Variants in HECW2 observed in about 807,000 individuals in gnomAD.
HECW2 encodes HECT, C2 and WW domain containing E3 ubiquitin protein ligase 2.
A neutral mutation model predicts 175.2 loss-of-function variants in HECW2; 61 were observed. That is an observed-to-expected ratio of 0.35 (90% CI 0.28 to 0.43). The LOEUF (loss-of-function observed/expected upper bound fraction) is 0.43, where lower values mean the gene tolerates loss of function less well. Among genes scored for constraint, HECW2 ranks in the 20% least tolerant of loss-of-function variants. HECW2 has a pLI of 1.00. For missense variants in HECW2, 1,524 were observed against 2,000.5 expected (o/e 0.76, Z 4.54); for synonymous variants, 671 against 731.0 (o/e 0.92, Z 1.32).
rs1445209433 is a variant in HECW2, at chr2:196,580,556, AACCAAT to A, written c.-36+12946_-36+12951del. Among the ~76,000 whole-genome samples the A allele has an allele frequency of 2.0e-5, 3 of 152,226 alleles. No individual in the cohort carries two copies. The East Asian group carries it at 5.8e-4, about 29-fold the overall frequency. On this transcript the variant is annotated intron_variant, in intron 1 of 28. Transcript: ENST00000644978. ...AATTCCTCAAAGAAGATAGTTAAAT[AACCAAT>A]AAGCACATGAAAAAATGTTCAACAT...
Position 196,229,279 on chromosome 2 carries a change from ATT to A in HECW2, c.3765-1027_3765-1026del, listed in dbSNP as rs573996893. Among the ~76,000 whole-genome samples, 1,336 of 147,990 alleles carry A rather than the reference ATT, an allele frequency of 9.0e-3. 10 individuals carry two copies. The highest frequency in any genetic ancestry group is 0.025 in the African/African-American group (989 of 40,352). On this transcript the variant is annotated intron_variant, in intron 21 of 28. Coordinates refer to ENST00000644978, the MANE Select transcript of HECW2 (RefSeq NM_001348768.2). ...CTATCTTATTTTTTCTTCTTTTTGAATTTTTTTTTTGTGGGCATCATTGCATT... is the reference window on the plus strand; with the variant it reads ...CTATCTTATTTTTTCTTCTTTTTGAATTTTTTTTGTGGGCATCATTGCATT...
chr2:196,303,127 A>G (rs1691129535), intron 13 of HECW2, among the ~76,000 whole-genome samples: 1 of 152,134 alleles, frequency 6.6e-6, no homozygotes, highest in African/African-American at 2.4e-5. Flanking sequence ...ACATGAAGCG[A>G]TGTTGAATTT....
intron 26 of HECW2, among the ~76,000 whole-genome samples, chr2:196,218,826 C>T (rs1412223363): frequency 6.6e-6 from 1 of 152,078 alleles, no homozygotes; most frequent in Non-Finnish European, 1.5e-5. Context: ...ATTATAATAA[C>T]CAAAGAGATA....
chr2:196,294,132 T>C (rs952780961), intron 13 of HECW2, among the ~76,000 whole-genome samples: 1 of 152,238 alleles, frequency 6.6e-6, no homozygotes, highest in Admixed American at 6.5e-5. Flanking sequence ...GTGATTGTTT[T>C]GTCCAAAACC....
intron 13 of HECW2, among the ~76,000 whole-genome samples, chr2:196,297,111 C>T (rs1690844862): frequency 6.6e-6 from 1 of 152,188 alleles, no homozygotes; most frequent in South Asian, 2.1e-4. Flanking sequence ...GAAGCCACTG[C>T]ACGTGGACTC....
At chr2:196,480,439 C>A (rs1260008788) in intron 1 of HECW2, among the ~76,000 whole-genome samples, 1 of 152,178 alleles carries the variant, frequency 6.6e-6, no homozygotes, top group African/African-American at 2.4e-5. Context: ...TTGGGCGAGG[C>A]CTCCCTCAAG....
chr2:196,275,087 G>A (rs912650400), intron 15 of HECW2, among the ~76,000 whole-genome samples: 9 of 152,132 alleles, frequency 5.9e-5, no homozygotes, highest in African/African-American at 2.2e-4. Context: ...CTCTAATGCT[G>A]GAAATATCCT....
chr2:196,227,989 A>C, intron 22 of HECW2, 113 bp downstream of exon 22: 1 of 981,524 alleles, frequency 1.0e-6, no homozygotes, highest in Non-Finnish European at 1.5e-6. Context: ...TTTAACTGAA[A>C]ATATGACTTT....
At chr2:196,422,997 A>C (rs1261066068) in intron 2 of HECW2, among the ~76,000 whole-genome samples, 1 of 152,108 alleles carries the variant, frequency 6.6e-6, no homozygotes, top group African/African-American at 2.4e-5. Flanking sequence ...TAGCATTCAC[A>C]TTTTAAGTGC....
At chr2:196,386,794 C>A (rs549915459) in intron 2 of HECW2, among the ~76,000 whole-genome samples, 1 of 152,162 alleles carries the variant, frequency 6.6e-6, no homozygotes, top group Non-Finnish European at 1.5e-5. Context: ...TAGTGCTAAA[C>A]AAATTCATAA....
chr2:196,552,726 T>A (rs1345634856), intron 1 of HECW2, among the ~76,000 whole-genome samples: 1 of 152,200 alleles, frequency 6.6e-6, no homozygotes, highest in African/African-American at 2.4e-5. Flanking sequence ...TCTTTCTCTG[T>A]GGCTGGCCAA....
At chr2:196,417,742 A>C (rs1695293251) in intron 2 of HECW2, among the ~76,000 whole-genome samples, 1 of 152,242 alleles carries the variant, frequency 6.6e-6, no homozygotes, top group African/African-American at 2.4e-5. Context: ...ATCTCCTTGA[A>C]ATGTCTCAGA....
At chr2:196,313,242 G>T (rs1221945775) in intron 10 of HECW2, among the ~76,000 whole-genome samples, 1 of 152,164 alleles carries the variant, frequency 6.6e-6, no homozygotes, top group Non-Finnish European at 1.5e-5. Context: ...CTGGGCTGGC[G>T]ATTGTTTTTT....
rs917420999 is a variant in HECW2 at position 196,213,390 on chromosome 2, G to C, written c.4607+2475C>G. 3.3e-5 allele frequency among the ~76,000 whole-genome samples: 5 copies of C among 152,120 alleles called. No individual in the cohort carries two copies. The South Asian group carries it at 1.0e-3, about 32-fold the overall frequency. On this transcript the variant is annotated intron_variant, in intron 28 of 28. Transcript: ENST00000644978. The stretch of plus-strand genomic sequence containing the variant: ...GAACATTGTTACTCCTACCTTAGAG[G>C]GATGGATCTAGGGTTTTGCTTAGGA...
chr2:196,315,680 G>A (rs1691668821), intron 10 of HECW2: 1 of 152,184 alleles, frequency 6.6e-6, no homozygotes, highest in Non-Finnish European at 1.5e-5. Flanking sequence ...ATCTACGGGT[G>A]TAATGCAAAC....
chr2:196,342,984 T>C (rs1480088491), intron 3 of HECW2, among the ~76,000 whole-genome samples: 1 of 150,750 alleles, frequency 6.6e-6, no homozygotes, highest in African/African-American at 2.4e-5. Flanking sequence ...ATATGTAAAA[T>C]ATAAAATATA....
chr2:196,236,065 A>T (rs72921185), intron 21 of HECW2, among the ~76,000 whole-genome samples: 4,889 of 152,294 alleles, frequency 0.032, 111 homozygotes, highest in Non-Finnish European at 0.046. Flanking sequence ...AAATGATATC[A>T]ATATGAATTG....
At chr2:196,328,634 C>A (rs933168771) in intron 5 of HECW2, among the ~76,000 whole-genome samples, 3 of 152,102 alleles carry the variant, frequency 2.0e-5, no homozygotes, top group Non-Finnish European at 4.4e-5. Flanking sequence ...TTTTTGCAAT[C>A]AAGAAAAGTG....
At chr2:196,372,239 A>G (rs1693927736) in intron 2 of HECW2, among the ~76,000 whole-genome samples, 1 of 152,248 alleles carries the variant, frequency 6.6e-6, no homozygotes, top group Non-Finnish European at 1.5e-5. Context: ...TAAGAAGCAC[A>G]AAGTATCAGT....
Sources: allele counts gnomAD v4.1 joint callset (sites outside exome capture counted in the v4.1 genomes callset), GRCh38; gene constraint gnomAD v4.1.1; transcripts MANE v1.5; gene names NCBI Gene and HGNC (gene_info 2026-07-23, HGNC 2026-07-21).